Variants in TMEM131 observed in about 807,000 individuals in gnomAD.
The protein encoded by TMEM131 is 2610524E03Rik.
Under a neutral mutation model 211.6 loss-of-function variants are expected in TMEM131, and 66 were observed. The ratio of observed to expected loss-of-function variants is 0.31; its 90% CI spans 0.26 to 0.38. TMEM131 has a LOEUF of 0.38. TMEM131 is among the 10% of genes least tolerant of loss of function. The pLI is 1.00. For missense variants in TMEM131, 2,036 were observed against 2,299.3 expected, an observed-to-expected ratio of 0.89 and a Z score of 2.34; for synonymous variants, 844 against 841.3, an observed-to-expected ratio of 1.00 and a Z score of -0.06.
intron 11 of TMEM131, among the ~76,000 whole-genome samples, chr2:97,823,542 A>AGTAAATGATAGAATGACAGCTG (rs1176432217): frequency 2.0e-5 from 3 of 152,188 alleles, no homozygotes; most frequent in Non-Finnish European, 4.4e-5. Flanking sequence ...GTCTTAGCCA[A>AGTAAATGATAGAATGACAGCTG]GTAAATGATA....
intron 19 of TMEM131, among the ~76,000 whole-genome samples, chr2:97,807,526 C>T (rs1256331824): frequency 6.6e-6 from 1 of 152,332 alleles, no homozygotes; most frequent in African/African-American, 2.4e-5. Flanking sequence ...CTAAGGCCCT[C>T]ACCAATGCAG....
At chr2:97,912,062 T>C (rs1676313207) in intron 2 of TMEM131, among the ~76,000 whole-genome samples, 1 of 152,110 alleles carries the variant, frequency 6.6e-6, no homozygotes, top group Non-Finnish European at 1.5e-5. Context: ...GGAACCTAAC[T>C]ATAACAATTT....
intron 2 of TMEM131, among the ~76,000 whole-genome samples, chr2:97,912,499 T>A (rs897321956): frequency 6.6e-6 from 1 of 152,148 alleles, no homozygotes; most frequent in Non-Finnish European, 1.5e-5. Context: ...TAATCTTCTA[T>A]CAAATATAAG....
chr2:97,823,911 G>C (rs1313686598), intron 11 of TMEM131, among the ~76,000 whole-genome samples: 1 of 152,112 alleles, frequency 6.6e-6, no homozygotes, highest in Non-Finnish European at 1.5e-5. Flanking sequence ...CAAGCCCTGG[G>C]CCCTGAACAA....
chr2:97,787,682 A>C (rs1409436625), intron 31 of TMEM131, among the ~76,000 whole-genome samples: 1 of 152,188 alleles, frequency 6.6e-6, no homozygotes, highest in East Asian at 1.9e-4. Flanking sequence ...GTGGCTGCTG[A>C]TGTTCACCTA....
chr2:97,780,955 G>A (rs890237922), intron 31 of TMEM131, among the ~76,000 whole-genome samples: 52 of 152,150 alleles, frequency 3.4e-4, no homozygotes, highest in African/African-American at 1.1e-3. Context: ...GAGCAGCCAG[G>A]TTCGTCGGGT....
intron 36 of TMEM131, 189 bp downstream of exon 36, chr2:97,761,846 T>A: frequency 1.7e-6 from 1 of 575,156 alleles, no homozygotes; most frequent in Non-Finnish European, 2.9e-6. Context: ...ACCGGGTTAC[T>A]GTTGGAGCTG....
At chr2:97,831,746 T>C (rs113573810) in intron 11 of TMEM131, among the ~76,000 whole-genome samples, 2 of 137,504 alleles carry the variant, frequency 1.5e-5, no homozygotes, top group African/African-American at 5.4e-5. Flanking sequence ...CTTGGCTCAC[T>C]GCAGCCTCCA....
intron 1 of TMEM131, among the ~76,000 whole-genome samples, chr2:97,951,433 A>G (rs1678309591): frequency 6.6e-6 from 1 of 152,080 alleles, no homozygotes; most frequent in Non-Finnish European, 1.5e-5. Flanking sequence ...AGGGGTGAAT[A>G]AGAGCATTTC....
intron 1 of TMEM131, among the ~76,000 whole-genome samples, chr2:97,993,207 C>T (rs1317868852): frequency 6.6e-6 from 1 of 152,154 alleles, no homozygotes; most frequent in Admixed American, 6.5e-5. Flanking sequence ...ATTAAAACTG[C>T]AGGTAAATCT....
chr2:97,893,106 T>C (rs1675452041), intron 3 of TMEM131, among the ~76,000 whole-genome samples: 1 of 152,170 alleles, frequency 6.6e-6, no homozygotes, highest in African/African-American at 2.4e-5. Flanking sequence ...GTGTTCTCAT[T>C]GTTCAACTCC....
intron 3 of TMEM131, among the ~76,000 whole-genome samples, chr2:97,905,949 C>T (rs1199044142): frequency 6.6e-6 from 1 of 152,194 alleles, no homozygotes; most frequent in African/African-American, 2.4e-5. Context: ...GGAGACACCA[C>T]TTCTGATGAG....
At chr2:97,830,399 T>C (rs1682620630) in intron 11 of TMEM131, among the ~76,000 whole-genome samples, 2 of 152,220 alleles carry the variant, frequency 1.3e-5, no homozygotes, top group African/African-American at 4.8e-5. Context: ...CAAGCTTGCA[T>C]ATGTTCTAAA....
At position 97,804,868 on chromosome 2, in the gene TMEM131, A is replaced by AG. The variant is rs575486959; in HGVS notation, c.2402+219dup. ...TTCTTGGAGTGTAAGAAATATCTAA[A>AG]GCACCACAGAAAAGAGAAAAATGAC... On this transcript the variant is annotated intron_variant, in intron 22 of 40. Coordinates refer to ENST00000186436, the MANE Select transcript of TMEM131 (RefSeq NM_015348.2). 3.3e-5 allele frequency among the ~76,000 whole-genome samples: 5 copies of AG among 152,326 alleles called. No homozygotes were observed. In the East Asian group the frequency reaches 9.6e-4, roughly 29 times the overall value.
At chr2:97,985,364 TATATAC>T (rs1408683935) in intron 1 of TMEM131, among the ~76,000 whole-genome samples, 82 of 151,804 alleles carry the variant, frequency 5.4e-4, no homozygotes, top group African/African-American at 1.9e-3. Context: ...TACATATATA[TATATAC>T]ACACACACAC....
At chr2:97,759,338 C>A in intron 39 of TMEM131, 1 of 537,316 alleles carries the variant, frequency 1.9e-6, no homozygotes, top group South Asian at 2.4e-5. Context: ...TAGTTCTGGA[C>A]AGCAAGAAGA....
At chr2:97,881,541 C>T (rs1674931151) in intron 4 of TMEM131, among the ~76,000 whole-genome samples, 1 of 151,790 alleles carries the variant, frequency 6.6e-6, no homozygotes, top group Admixed American at 6.6e-5. Context: ...AACAATCCTT[C>T]CCCAGAAACA....
Position 97,796,347 on chromosome 2 carries a change from G to A in TMEM131, c.3071C>T (p.Thr1024Ile). 1 of 1,549,510 alleles carries A rather than the reference G, an allele frequency of 6.5e-7. No individual in the cohort carries two copies. Among genetic ancestry groups the A allele is most frequent in the East Asian group, 2.4e-5 (1 of 42,426 alleles). ...TLKRTFKVEN[T>I]GQLQIHIETI... ...TTCTATGTGAATTTGAAGTTGTCCT[G>A]TATTCTCTACCTTAAATGTTCTTTT... Residue 1024 changes from threonine (T) to isoleucine (I), a missense_variant, in exon 28 of 41, where the codon ACA (threonine) becomes ATA (isoleucine). This residue lies in a region of TMEM131 where 1,623 missense variants were observed against 1,805.9 expected (regional missense o/e 0.90). Coordinates refer to ENST00000186436, the MANE Select transcript of TMEM131 (RefSeq NM_015348.2).
intron 3 of TMEM131, 46 bp downstream of exon 3, chr2:97,908,612 C>A (rs1413911322): frequency 2.0e-6 from 3 of 1,466,094 alleles, no homozygotes; most frequent in South Asian, 2.5e-5. Flanking sequence ...AGGAATCCCC[C>A]AGAAGGAACC....
Sources: allele counts gnomAD v4.1 joint callset (sites outside exome capture counted in the v4.1 genomes callset), GRCh38; gene constraint gnomAD v4.1.1; regional missense constraint gnomAD v4.1.1; transcripts MANE v1.5; gene names NCBI Gene and HGNC (gene_info 2026-07-23, HGNC 2026-07-21).